Variants in SDAD1 observed in about 807,000 individuals in gnomAD.
The protein encoded by SDAD1 is protein SDA1 homolog.
SDAD1 carries 79 observed loss-of-function variants against 100.3 expected under a neutral mutation model. The ratio of observed to expected loss-of-function variants is 0.79; its 90% confidence interval spans 0.66 to 0.95. SDAD1 has a LOEUF of 0.95. Ranked by LOEUF, SDAD1 falls within the 40% of genes least tolerant of loss-of-function variation. SDAD1 has a pLI of 0.00. For missense variants in SDAD1, 790 were observed against 810.9 expected (o/e 0.97, Z 0.31); for synonymous variants, 267 against 271.4 (o/e 0.98, Z 0.16).
At chr4:75,954,636 A>G (rs573828173) in intron 21 of SDAD1, among the ~76,000 whole-genome samples, 1 of 152,250 alleles carries the variant, frequency 6.6e-6, no homozygotes, top group East Asian at 1.9e-4. Flanking sequence ...AAAAGATGAA[A>G]TGCTCCTCAT....
intron 10 of SDAD1, among the ~76,000 whole-genome samples, chr4:75,969,797 T>C (rs1483402229): frequency 1.3e-5 from 2 of 152,072 alleles, no homozygotes; most frequent in Non-Finnish European, 2.9e-5. Flanking sequence ...AATCTTGCCA[T>C]ACATTAGAGT....
intron 6 of SDAD1, among the ~76,000 whole-genome samples, chr4:75,974,690 C>G (rs1389170620): frequency 6.8e-6 from 1 of 146,364 alleles, no homozygotes; most frequent in Non-Finnish European, 1.5e-5. Flanking sequence ...GCCTGGGCAA[C>G]AGAGCAAGAC....
At chr4:75,965,891 A>C in intron 12 of SDAD1, 69 bp from the exon 13 acceptor site, 2 of 1,265,626 alleles carry the variant, frequency 1.6e-6, no homozygotes, top group Non-Finnish European at 2.3e-6. Context: ...CACAGCAAAC[A>C]TGGCAAGCTC....
intron 9 of SDAD1, 68 bp from the exon 10 acceptor site, chr4:75,970,446 T>C: frequency 8.2e-7 from 1 of 1,225,796 alleles, no homozygotes; most frequent in Non-Finnish European, 1.2e-6. Context: ...CTTAATGTGC[T>C]AATAAGGCTG....
Position 75,973,388 on chromosome 4 carries a change from A to G in SDAD1, c.640T>C (p.Leu214=), listed in dbSNP as rs1578135428. 1.9e-6 allele frequency: 3 copies of G among 1,612,346 alleles called. No individual in the cohort carries two copies. Among genetic ancestry groups the G allele is most frequent in the East Asian group, 2.2e-5 (1 of 44,772 alleles). Residue 214 remains leucine (L), a synonymous_variant, in exon 8 of 22, where the codon TTA becomes CTA. Coordinates refer to ENST00000356260, the MANE Select transcript of SDAD1 (RefSeq NM_018115.4). ...TACFSKVTKI[L]VAALTFFLGK... ...AGAAAGAATGTCAAAGCGGCAACTA[A>G]TATCTAAACACCAATGAGAAAAAAG...
intron 8 of SDAD1, 131 bp from the exon 9 acceptor site, chr4:75,971,589 G>A (rs1265889240): frequency 1.4e-6 from 1 of 692,340 alleles, no homozygotes. Flanking sequence ...ACTACTTTTA[G>A]ACTGGGCGCA....
intron 3 of SDAD1, among the ~76,000 whole-genome samples, chr4:75,980,219 T>C (rs971498146): frequency 2.0e-5 from 3 of 152,204 alleles, no homozygotes; most frequent in African/African-American, 7.2e-5. Flanking sequence ...CCAGGTCCCA[T>C]GTACCAGCTG....
chr4:75,967,471 A>C, intron 11 of SDAD1, 137 bp from the exon 12 acceptor site: 1 of 706,936 alleles, frequency 1.4e-6, no homozygotes, highest in Non-Finnish European at 2.5e-6. Flanking sequence ...ATCATGCCCT[A>C]GGATGATTCA....
At chr4:75,984,197 T>C (rs1312620890) in intron 1 of SDAD1, among the ~76,000 whole-genome samples, 1 of 150,664 alleles carries the variant, frequency 6.6e-6, no homozygotes, top group East Asian at 1.9e-4. Flanking sequence ...GGTCTCCCTC[T>C]GTCACCCAAG....
intron 8 of SDAD1, 57 bp from the exon 9 acceptor site, chr4:75,971,515 A>C: frequency 8.0e-7 from 1 of 1,257,152 alleles, no homozygotes; most frequent in East Asian, 2.3e-5. Flanking sequence ...ATAGAATGAA[A>C]GAGTAAACCT....
intron 3 of SDAD1, among the ~76,000 whole-genome samples, chr4:75,978,396 T>C (rs1299279417): frequency 1.3e-5 from 2 of 150,936 alleles, no homozygotes; most frequent in Non-Finnish European, 3.0e-5. Context: ...TAGAGTCTCA[T>C]TATGTTGCCT....
chr4:75,990,553 G>A (rs1376930757), intron 1 of SDAD1, 199 bp downstream of exon 1: 2 of 1,092,264 alleles, frequency 1.8e-6, no homozygotes, highest in Non-Finnish European at 2.7e-6. Context: ...ATCCAAAGGG[G>A]CAACAGATTT....
At chr4:75,972,380 T>C (rs1262684643) in intron 8 of SDAD1, among the ~76,000 whole-genome samples, 2 of 150,230 alleles carry the variant, frequency 1.3e-5, no homozygotes, top group Non-Finnish European at 3.0e-5. Context: ...GCTGTAATAC[T>C]CACAGTGAAG....
chr4:75,986,629 C>T (rs1157255762), intron 1 of SDAD1, among the ~76,000 whole-genome samples: 2 of 152,142 alleles, frequency 1.3e-5, no homozygotes, highest in Non-Finnish European at 1.5e-5. Context: ...CTTCACTAGT[C>T]CCCACCTCCC....
In SDAD1 at chr4:75,971,458, C is replaced by T. The variant is rs1221074894; in HGVS notation, c.712G>A (p.Asp238Asn). 2 of 1,604,318 alleles carry T rather than the reference C, an allele frequency of 1.2e-6. No individual in the cohort carries two copies. The highest frequency in any genetic ancestry group is 1.7e-6 in the Non-Finnish European group (2 of 1,172,450). Reference sequence around the variant, plus strand: ...AGGTCTCTTGCTGTTGGTCCATCATCCTAAAGAAGAAATTACTTTGTAAAA... The same window carrying T: ...AGGTCTCTTGCTGTTGGTCCATCATTCTAAAGAAGAAATTACTTTGTAAAA... Reference protein sequence around the residue: ...EKQDSDSESEDDGPTARDLLV... With the variant: ...EKQDSDSESENDGPTARDLLV... The change falls in exon 9 of 22, where the codon GAT becomes AAT. Residue 238 changes from aspartate to asparagine, a missense_variant and splice_region_variant. Coordinates refer to ENST00000356260, the MANE Select transcript of SDAD1 (RefSeq NM_018115.4).
In SDAD1 at chr4:75,960,132, T is replaced by C. The variant is rs143308047; in HGVS notation, c.1417A>G (p.Lys473Glu). Residue 473 changes from lysine (K) to glutamate (E), a missense_variant, in exon 17 of 22, where the codon AAA becomes GAA. Physicochemically the swap from Lys to Glu is moderately conservative, Grantham distance 56 (BLOSUM62 1). Coordinates refer to ENST00000356260, the MANE Select transcript of SDAD1 (RefSeq NM_018115.4). ...ACTTCTGCTCCTGGAATGTAATCTT[T>C]AGCATCTAATTCTCCATATTCTTGT... The part of the protein sequence containing the change: ...RVQEYGELDA[K>E]DYIPGAEVLE... 3,348 of 1,612,220 alleles carry C rather than the reference T, an allele frequency of 2.1e-3. 31 individuals carry two copies. The highest frequency in any genetic ancestry group is 1.3e-3 in the Non-Finnish European group (1,584 of 1,179,460).
At position 75,971,408 on chromosome 4, in the gene SDAD1, CT is replaced by C; in HGVS notation, c.761del (p.Lys254ArgfsTer14). The C allele has an allele frequency of 6.2e-7, 1 of 1,614,042 alleles. No homozygotes were observed. The highest frequency in any genetic ancestry group is 8.5e-7 in the Non-Finnish European group (1 of 1,179,964). On this transcript the variant is annotated frameshift_variant, in exon 9 of 22. Transcript: ENST00000356260. LOFTEE classifies it high-confidence loss of function. ...RDLLVQYATG[K>X]KSSKNKKKLE... is the part of the protein sequence containing the mutation. ...ACTTTTTCTTGTTTTTGGAACTTTT[CT>C]TCCCTGTAGCATATTGTACTAGCAG...
chr4:75,965,427 G>C (rs544429764), intron 13 of SDAD1, among the ~76,000 whole-genome samples: 1 of 152,192 alleles, frequency 6.6e-6, no homozygotes, highest in Middle Eastern at 3.4e-3. Flanking sequence ...CATTTGCCTT[G>C]TAATATTTTA....
At chr4:75,988,102 A>T (rs1731009995) in intron 1 of SDAD1, among the ~76,000 whole-genome samples, 1 of 152,176 alleles carries the variant, frequency 6.6e-6, no homozygotes, top group Non-Finnish European at 1.5e-5. Context: ...TCAACCCAGC[A>T]TCATCTCTTG....
Sources: gnomAD v4.1 joint callset for allele counts (sites outside exome capture counted in the v4.1 genomes callset) on GRCh38, gnomAD v4.1.1 for gene constraint, MANE v1.5 for transcripts, NCBI Gene and HGNC (gene_info 2026-07-23, HGNC 2026-07-21) for gene names.